Variants in N4BP2 observed in about 807,000 individuals in gnomAD.
N4BP2 encodes the protein NEDD4 binding protein 2.
In N4BP2, 91 loss-of-function variants were observed where a neutral mutation model predicts 152.8. The ratio of observed to expected loss-of-function variants is 0.60; its 90% CI spans 0.50 to 0.71. The LOEUF (loss-of-function observed/expected upper bound fraction) is 0.71, where lower values mean the gene tolerates loss of function less well. Ranked by LOEUF, N4BP2 falls within the 30% of genes least tolerant of loss-of-function variation. The pLI, the probability that N4BP2 is intolerant of heterozygous loss-of-function variation, is 0.00. For synonymous variants in N4BP2, 646 were observed against 705.3 expected (o/e 0.92, Z 1.33); for missense variants, 1,923 against 2,059.1 (o/e 0.93, Z 1.28).
chr4:40,068,440 G>A (rs1444913544), intron 1 of N4BP2, among the ~76,000 whole-genome samples: 1 of 152,146 alleles, frequency 6.6e-6, no homozygotes, highest in African/African-American at 2.4e-5. Context: ...CGAGTTTTAA[G>A]TTTAAGGTCT....
intron 2 of N4BP2, among the ~76,000 whole-genome samples, chr4:40,092,984 C>A (rs1010399643): frequency 6.7e-6 from 1 of 148,970 alleles, no homozygotes; most frequent in African/African-American, 2.5e-5. Flanking sequence ...GCTTTTGTCA[C>A]CCAGGCTGGA....
At chr4:40,091,005 G>GTTTT (rs34245436) in intron 2 of N4BP2, among the ~76,000 whole-genome samples, 2 of 121,560 alleles carry the variant, frequency 1.6e-5, no homozygotes, top group Middle Eastern at 4.7e-3. Context: ...GTATTTCTCT[G>GTTTT]TTTTTTTTTT....
rs1050247358 is a variant in N4BP2 at position 40,122,186 on chromosome 4, G to A, written c.4075G>A (p.Glu1359Lys). The change falls in exon 9 of 18, where the codon GAG becomes AAG. Residue 1359 changes from glutamate to lysine, a missense_variant. Glu to Lys is a moderately conservative substitution (Grantham distance 56). Coordinates refer to ENST00000261435, the MANE Select transcript of N4BP2 (RefSeq NM_018177.6). ...SAGVSGEDKT[E>K]ILNPTPAMAK... ...TGGAGTTAGTGGGGAAGATAAAACC[G>A]AGATATTGAATCCCACTCCAGCGAT... 7 of 1,613,756 alleles carry A rather than the reference G, an allele frequency of 4.3e-6. No individual in the cohort carries two copies. The South Asian group carries it at 4.4e-5, about 10-fold the overall frequency.
intron 1 of N4BP2, among the ~76,000 whole-genome samples, chr4:40,060,149 T>A (rs889645070): frequency 6.6e-6 from 1 of 150,620 alleles, no homozygotes; most frequent in South Asian, 2.1e-4. Flanking sequence ...GAAGAGTATT[T>A]TACTTTCTTA....
At chr4:40,152,383 A>T (rs2109288281) in intron 16 of N4BP2, among the ~76,000 whole-genome samples, 1 of 152,338 alleles carries the variant, frequency 6.6e-6, no homozygotes, top group Middle Eastern at 3.4e-3. Flanking sequence ...TGTTGTGAAG[A>T]TTCTTAGTTA....
At chr4:40,115,669 TTTGTC>T (rs1280733578) in intron 7 of N4BP2, among the ~76,000 whole-genome samples, 2 of 152,228 alleles carry the variant, frequency 1.3e-5, no homozygotes, top group African/African-American at 4.8e-5. Context: ...AGATGAGTGT[TTTGTC>T]TTTTATAAAA....
At chr4:40,144,512 A>T in intron 15 of N4BP2, 120 bp from the exon 16 acceptor site, 1 of 770,300 alleles carries the variant, frequency 1.3e-6, no homozygotes, top group Non-Finnish European at 2.0e-6. Flanking sequence ...TGCATTATTT[A>T]AGATTTTAGG....
downstream of N4BP2, among the ~76,000 whole-genome samples, chr4:40,158,881 A>T (rs1219664394): frequency 1.3e-5 from 2 of 152,196 alleles, no homozygotes. Flanking sequence ...GCAAGGACTT[A>T]AAAACATTTA....
intron 2 of N4BP2, among the ~76,000 whole-genome samples, chr4:40,090,386 G>A (rs986147849): frequency 6.6e-6 from 1 of 152,080 alleles, no homozygotes; most frequent in Non-Finnish European, 1.5e-5. Flanking sequence ...CATATTTACT[G>A]TGTTGTCTTC....
At position 40,157,200 on chromosome 4, in the gene N4BP2, G is replaced by T. The variant is rs926164140; in HGVS notation, c.*2963G>T. ...ATCTCTTTATTCCAATGTGAGAAAT[G>T]GAAGTGTTTTTTTTTTTACGTTTAT... On this transcript the variant is annotated 3_prime_UTR_variant, in exon 18 of 18. Coordinates refer to ENST00000261435, the MANE Select transcript of N4BP2 (RefSeq NM_018177.6). 2.6e-5 allele frequency: 4 copies of T among 151,708 alleles called. No individual in the cohort carries two copies. The highest frequency in any genetic ancestry group is 9.7e-5 in the African/African-American group (4 of 41,220). The allele number at this position is 151,708 out of a possible 1,614,324, so 9.4% of individuals were successfully genotyped here.
At chr4:40,186,955 G>A in the N4BP2 span, among the ~76,000 whole-genome samples, 8 of 152,140 alleles carry the variant, frequency 5.3e-5, no homozygotes, top group African/African-American at 1.9e-4. Flanking sequence ...TTATAAATAA[G>A]TACTCATTTT....
chr4:40,077,251 C>A (rs1486795933), intron 2 of N4BP2, among the ~76,000 whole-genome samples: 1 of 151,878 alleles, frequency 6.6e-6, no homozygotes, highest in Non-Finnish European at 1.5e-5. Flanking sequence ...ACCTCTGCCT[C>A]CTGGGTTCAA....
chr4:40,072,789 C>CATCTCGGCTCACTGCA (rs1213211708), intron 1 of N4BP2, among the ~76,000 whole-genome samples: 1 of 151,292 alleles, frequency 6.6e-6, no homozygotes, highest in Non-Finnish European at 1.5e-5. Flanking sequence ...GCAATGGTGC[C>CATCTCGGCTCACTGCA]ATCTCGGCTC....
chr4:40,081,666 A>G (rs899462683), intron 2 of N4BP2, among the ~76,000 whole-genome samples: 7 of 151,620 alleles, frequency 4.6e-5, no homozygotes, highest in African/African-American at 1.7e-4. Flanking sequence ...CAAAAACAAA[A>G]AACTACAGTT....
intron 2 of N4BP2, among the ~76,000 whole-genome samples, chr4:40,082,275 C>CA (rs370100487): frequency 0.22 from 20,619 of 94,840 alleles, 2,422 homozygotes; most frequent in African/African-American, 0.28. Flanking sequence ...GACCCTGTCT[C>CA]AAAAAAAAAA....
At chr4:40,170,754 G>A in the N4BP2 span, among the ~76,000 whole-genome samples, 1 of 152,172 alleles carries the variant, frequency 6.6e-6, no homozygotes, top group Admixed American at 6.5e-5. Context: ...GTTACCAAAT[G>A]AGATCATTTC....
chr4:40,118,595 T>A (rs970755521), intron 8 of N4BP2, among the ~76,000 whole-genome samples: 1 of 152,214 alleles, frequency 6.6e-6, no homozygotes, highest in Non-Finnish European at 1.5e-5. Flanking sequence ...GAGTCCGTGA[T>A]TATGCTATGA....
chr4:40,108,422 C>T (rs1716532443), intron 5 of N4BP2, among the ~76,000 whole-genome samples: 1 of 151,828 alleles, frequency 6.6e-6, no homozygotes, highest in Admixed American at 6.6e-5. Flanking sequence ...AAGCGATTCT[C>T]CTGCCTCAGC....
intron 3 of N4BP2, among the ~76,000 whole-genome samples, chr4:40,100,620 C>G (rs142799232): frequency 2.0e-5 from 3 of 152,226 alleles, no homozygotes; most frequent in Non-Finnish European, 4.4e-5. Flanking sequence ...GATCTACCTG[C>G]CTCAGCCTCC....
Sources: gnomAD v4.1 joint callset for allele counts (sites outside exome capture counted in the v4.1 genomes callset) on GRCh38, gnomAD v4.1.1 for gene constraint, MANE v1.5 for transcripts, NCBI Gene and HGNC (gene_info 2026-07-23, HGNC 2026-07-21) for gene names.